Variants in COL9A2 observed in about 807,000 individuals in gnomAD.
The protein encoded by COL9A2 is collagen type IX alpha 2 chain.
A neutral mutation model predicts 111.6 loss-of-function variants in COL9A2; 66 were observed. The ratio of observed to expected loss-of-function variants is 0.59; its 90% CI spans 0.48 to 0.73. The LOEUF (loss-of-function observed/expected upper bound fraction) is 0.73, where lower values mean the gene tolerates loss of function less well. Ranked by LOEUF, COL9A2 falls within the 30% of genes least tolerant of loss-of-function variation. The pLI is 0.00. For synonymous variants in COL9A2, 353 were observed against 364.1 expected (o/e 0.97, Z 0.35); for missense variants, 881 against 954.1 (o/e 0.92, Z 1.01).
rs1297930499 is a variant in COL9A2, at chr1:40,304,379, C to T, written c.1228G>A (p.Glu410Lys). The T allele has an allele frequency of 1.3e-6, 2 of 1,594,558 alleles. No individual in the cohort carries two copies. Among genetic ancestry groups the T allele is most frequent in the Non-Finnish European group, 8.5e-7 (1 of 1,170,068 alleles). The change falls in exon 24 of 32, where the codon GAG (glutamate) becomes AAG (lysine). Residue 410 changes from glutamate to lysine, a missense_variant. Physicochemically the swap from Glu to Lys is moderately conservative, Grantham distance 56. Transcript: ENST00000372748. ...CCTGGAATTCCGGGGGGGCCCTGCT[C>T]CCCCTTAGGGCCCTGAGGAGAAAAG... ...GPQGRQGPKG[E>K]QGPPGIPGPQ...
Position 40,315,595 on chromosome 1 carries a change from T to C in COL9A2, c.145A>G (p.Ile49Val), listed in dbSNP as rs1039768544. Residue 49 changes from isoleucine (I) to valine (V), a missense_variant, in exon 2 of 32, where the codon ATC becomes GTC. Coordinates refer to ENST00000372748, the MANE Select transcript of COL9A2 (RefSeq NM_001852.4). The stretch of plus-strand genomic sequence containing the variant: ...GTCTCAGGTTAGAGACTTACGTCGA[T>C]GCCGTCGGATCCAGGCACTCCCGGC... ...GPPGVPGSDG[I>V]DGDNGPPGKA... The C allele has an allele frequency of 1.9e-6, 3 of 1,552,162 alleles. No individual in the cohort carries two copies. The highest frequency in any genetic ancestry group is 1.4e-5 in the African/African-American group (1 of 73,188).
Position 40,304,059 on chromosome 1 carries a change from C to T in COL9A2, c.1323+5G>A. 6.3e-7 allele frequency: 1 copy of T among 1,580,452 alleles called. No individual in the cohort carries two copies. The highest frequency in any genetic ancestry group is 8.6e-7 in the Non-Finnish European group (1 of 1,164,050). ...GTCGCTGGGAACAGGGGTGCTGGAA[C>T]TCACCACTTTGCCGCGGGGCCCGGT... On this transcript the variant is annotated splice_donor_5th_base_variant and intron_variant, in intron 25 of 31. Transcript: ENST00000372748.
chr1:40,306,147 T>C lies in COL9A2; in HGVS notation c.1049A>G (p.Asp350Gly), dbSNP rs765020486. 41 of 1,613,956 alleles carry C rather than the reference T, an allele frequency of 2.5e-5. No individual in the cohort carries two copies. In the Admixed American group the frequency reaches 6.5e-4, roughly 26 times the overall value. The change falls in exon 20 of 32, where the codon GAC becomes GGC. Residue 350 changes from aspartate to glycine, a missense_variant. Physicochemically the swap from Asp to Gly is moderately conservative, Grantham distance 94. Coordinates refer to ENST00000372748, the MANE Select transcript of COL9A2 (RefSeq NM_001852.4). ...GQPGTKGGPGDQGEPGPQGLP... is the reference protein window; with the variant it reads ...GQPGTKGGPGGQGEPGPQGLP... ...CCCAGCTTGGGATCGCCTCACCTGGTCTCCAGGGCCTCCTTTTGTCCCAGG... is the reference window on the plus strand; with the variant it reads ...CCCAGCTTGGGATCGCCTCACCTGGCCTCCAGGGCCTCCTTTTGTCCCAGG...
At position 40,312,884 on chromosome 1, in the gene COL9A2, C is replaced by A. The variant is rs1056402082; in HGVS notation, c.250-100G>T. On this transcript the variant is annotated intron_variant, in intron 4 of 31. Transcript: ENST00000372748. This position sits in a 1 kb window ranked among gnomAD's most constrained non-coding sequence, Gnocchi z 6.0. ...GGTCCCTCCTGGGTGGGCCGAGGCT[C>A]CTTTTTGCCACACCTCATGAAGGCC... 6 of 1,027,822 alleles carry A rather than the reference C, an allele frequency of 5.8e-6. No individual in the cohort carries two copies. In the African/African-American group the frequency reaches 8.0e-5, roughly 14 times the overall value. 63.7% of individuals were successfully genotyped at this position (1,027,822 alleles called of 1,614,324 possible). A position where few individuals can be genotyped will look rare whatever the true frequency, so the allele number is the denominator to read the frequency against.
Position 40,312,318 on chromosome 1 carries a change from C to G in COL9A2, c.363+138G>C. On this transcript the variant is annotated intron_variant, in intron 7 of 31. Transcript: ENST00000372748. This position sits in a 1 kb window ranked among gnomAD's most constrained non-coding sequence, Gnocchi z 6.0. Reference sequence around the variant, plus strand: ...GGCCCAGAGTGGGCTGGCCCTGGGTCTCTGGCAGGTCCACTTATTCCTGAC... The same window carrying G: ...GGCCCAGAGTGGGCTGGCCCTGGGTGTCTGGCAGGTCCACTTATTCCTGAC... 1.6e-6 allele frequency: 2 copies of G among 1,285,692 alleles called. No individual in the cohort carries two copies. Among genetic ancestry groups the G allele is most frequent in the Non-Finnish European group, 2.2e-6 (2 of 906,816 alleles). 79.6% of individuals were successfully genotyped at this position (1,285,692 alleles called of 1,614,324 possible). A position where few individuals can be genotyped will look rare whatever the true frequency, so the allele number is the denominator to read the frequency against.
rs771038559 is a variant in COL9A2 at position 40,303,506 on chromosome 1, C to G, written c.1548+24G>C. 2 of 1,612,596 alleles carry G rather than the reference C, an allele frequency of 1.2e-6. No individual in the cohort carries two copies. Among genetic ancestry groups the G allele is most frequent in the African/African-American group, 2.7e-5 (2 of 74,894 alleles). Reference sequence around the variant, plus strand: ...GAACAGATCTACCTAGAAGAAGCACCTCCTACCCCGGGGCCCGACTCACCT... The same window carrying G: ...GAACAGATCTACCTAGAAGAAGCACGTCCTACCCCGGGGCCCGACTCACCT... On this transcript the variant is annotated intron_variant, in intron 28 of 31. Coordinates refer to ENST00000372748, the MANE Select transcript of COL9A2 (RefSeq NM_001852.4). The surrounding 1 kb of genome is among the most constrained non-coding windows in gnomAD (Gnocchi z 4.6).
At chr1:40,304,297 T>C in intron 24 of COL9A2, 23 bp downstream of exon 24, 4 of 1,552,212 alleles carry the variant, frequency 2.6e-6, no homozygotes, top group Non-Finnish European at 3.5e-6. Context: ...CTTTCCCAGG[T>C]GTTTCCCAGC....
chr1:40,312,404 C>T lies in COL9A2; in HGVS notation c.363+52G>A. ...CATTCCCTCGAAGCCTTTCTGTTGT[C>T]CCCTCCTTCCCTGGGAGTTCTGGGG... On this transcript the variant is annotated intron_variant, in intron 7 of 31. Transcript: ENST00000372748. This position sits in a 1 kb window ranked among gnomAD's most constrained non-coding sequence, Gnocchi z 6.0. 6.2e-7 allele frequency: 1 copy of T among 1,602,494 alleles called. No homozygotes were observed. The highest frequency in any genetic ancestry group is 2.3e-5 in the East Asian group (1 of 44,358).
At chr1:40,309,515 T>C (rs1195770392) in intron 16 of COL9A2, among the ~76,000 whole-genome samples, 2 of 151,808 alleles carry the variant, frequency 1.3e-5, no homozygotes, top group Non-Finnish European at 2.9e-5. Flanking sequence ...TGGAATCTCA[T>C]TGTCTGGCCC....
At position 40,311,050 on chromosome 1, in the gene COL9A2, C is replaced by G; in HGVS notation, c.630+43G>C. ...AGGGGACAGAGCCCTGTAGGACCAT[C>G]TCCACGTATCCCTGACCCACAGCCC... On this transcript the variant is annotated intron_variant, in intron 12 of 31. Coordinates refer to ENST00000372748, the MANE Select transcript of COL9A2 (RefSeq NM_001852.4). This position sits in a 1 kb window ranked among gnomAD's most constrained non-coding sequence, Gnocchi z 5.1. The G allele has an allele frequency of 1.1e-5, 17 of 1,610,882 alleles. No individual in the cohort carries two copies. Among genetic ancestry groups the G allele is most frequent in the Non-Finnish European group, 1.4e-5 (16 of 1,177,528 alleles).
chr1:40,307,503 G>A lies in COL9A2; in HGVS notation c.955-4C>T. Reference sequence around the variant, plus strand: ...GTCCCGCCTGTCCTGCACTGCCCTGGGATAGACAGATAACCAAAGATACAA... The same window carrying A: ...GTCCCGCCTGTCCTGCACTGCCCTGAGATAGACAGATAACCAAAGATACAA... On this transcript the variant is annotated splice_region_variant and splice_polypyrimidine_tract_variant and intron_variant, in intron 18 of 31. Transcript: ENST00000372748. The surrounding 1 kb of genome is among the most constrained non-coding windows in gnomAD (Gnocchi z 4.8). 1 of 1,614,070 alleles carries A rather than the reference G, an allele frequency of 6.2e-7. No homozygotes were observed. Among genetic ancestry groups the A allele is most frequent in the Non-Finnish European group, 8.5e-7 (1 of 1,179,960 alleles).
rs764157850 is a variant in COL9A2, at chr1:40,311,139, G to T, written c.584C>A (p.Ala195Glu). The T allele has an allele frequency of 3.1e-6, 5 of 1,614,186 alleles. No individual in the cohort carries two copies. The East Asian group carries it at 1.1e-4, about 36-fold the overall frequency. Residue 195 changes from alanine (A) to glutamate (E), a missense_variant, in exon 12 of 32, where the codon GCG (alanine) becomes GAG (glutamate). Transcript: ENST00000372748. This position sits in a 1 kb window ranked among gnomAD's most constrained non-coding sequence, Gnocchi z 5.1. ...PPGLQGVKGH[A>E]GKRGILGDPG... ...ATCACCCAGAATCCCGCGTTTGCCCGCATGCCCCTGAAGGGAAGGAGAGAG... is the reference window on the plus strand; with the variant it reads ...ATCACCCAGAATCCCGCGTTTGCCCTCATGCCCCTGAAGGGAAGGAGAGAG...
rs774470944 is a variant in COL9A2 at position 40,301,823 on chromosome 1, G to A, written c.1859C>T (p.Pro620Leu). 3.0e-5 allele frequency: 48 copies of A among 1,613,870 alleles called. No homozygotes were observed. The highest frequency in any genetic ancestry group is 4.0e-5 in the Non-Finnish European group (47 of 1,179,914). Reference protein sequence around the residue: ...GRGHPGMPGPPGIPGLPGRPG... With the variant: ...GRGHPGMPGPLGIPGLPGRPG... ...GGCCAATGGCTTACCTGGGATCCCT[G>A]GGGGCCCAGGCATCCCGGGGTGCCC... The change falls in exon 31 of 32, where the codon CCA (proline) becomes CTA (leucine). Residue 620 changes from proline (P) to leucine (L), a missense_variant. By Grantham distance (98) the Pro-to-Leu change is moderately conservative. Coordinates refer to ENST00000372748, the MANE Select transcript of COL9A2 (RefSeq NM_001852.4).
chr1:40,304,175 C>T, intron 24 of COL9A2, 76 bp from the exon 25 acceptor site: 3 of 1,516,112 alleles, frequency 2.0e-6, no homozygotes, highest in Non-Finnish European at 2.7e-6. Context: ...TCGGCCACAC[C>T]CCTCTTTCCA....
At chr1:40,305,061 CTTT>C (rs869251364) in intron 21 of COL9A2, 1,917 of 122,608 alleles carry the variant, frequency 0.016, no homozygotes, top group South Asian at 0.036. Flanking sequence ...TTCTTTCTTT[CTTT>C]TTTTTTTTTT....
rs2124049861 is a variant in COL9A2 at position 40,303,954 on chromosome 1, C to T, written c.1342G>A (p.Gly448Ser). The T allele has an allele frequency of 6.4e-7, 1 of 1,561,990 alleles. No individual in the cohort carries two copies. The highest frequency in any genetic ancestry group is 8.7e-7 in the Non-Finnish European group (1 of 1,152,624). The change falls in exon 26 of 32, where the codon GGC (glycine) becomes AGC (serine). Residue 448 changes from glycine to serine, a missense_variant. Coordinates refer to ENST00000372748, the MANE Select transcript of COL9A2 (RefSeq NM_001852.4). The surrounding 1 kb of genome is among the most constrained non-coding windows in gnomAD (Gnocchi z 4.6). Reference sequence around the variant, plus strand: ...TTCTCGCCTTTCTCTCCGGGGAGGCCGGCCACCCCTGGGTCACCCTGCAGA... The same window carrying T: ...TTCTCGCCTTTCTCTCCGGGGAGGCTGGCCACCCCTGGGTCACCCTGCAGA... Reference protein sequence around the residue: ...RGKVGDPGVAGLPGEKGEKGE... With the variant: ...RGKVGDPGVASLPGEKGEKGE...
At chr1:40,305,245 T>G (rs891692288) in intron 21 of COL9A2, among the ~76,000 whole-genome samples, 1 of 151,990 alleles carries the variant, frequency 6.6e-6, no homozygotes, top group African/African-American at 2.4e-5. Context: ...TTTTTTGTAT[T>G]TTTAGTAGAG....
In COL9A2 at chr1:40,303,494, TAGA is replaced by T. The variant is rs1362535701; in HGVS notation, c.1548+33_1548+35del. ...AGCCGCACCCCAGAACAGATCTACC[TAGA>T]AGAAGCACCTCCTACCCCGGGGCCC... On this transcript the variant is annotated intron_variant, in intron 28 of 31. Transcript: ENST00000372748. The surrounding 1 kb of genome is among the most constrained non-coding windows in gnomAD (Gnocchi z 4.6). 4 of 1,612,194 alleles carry T rather than the reference TAGA, an allele frequency of 2.5e-6. No homozygotes were observed. In the East Asian group the frequency reaches 6.7e-5, roughly 27 times the overall value.
Position 40,301,794 on chromosome 1 carries a change from G to A in COL9A2, c.1870+18C>T, listed in dbSNP as rs1643918363. ...AAGCTGAGGAACACACTGCAGCTGG[G>A]CAGGGCCAATGGCTTACCTGGGATC... On this transcript the variant is annotated intron_variant, in intron 31 of 31. Coordinates refer to ENST00000372748, the MANE Select transcript of COL9A2 (RefSeq NM_001852.4). 1 of 1,612,552 alleles carries A rather than the reference G, an allele frequency of 6.2e-7. No homozygotes were observed. Among genetic ancestry groups the A allele is most frequent in the Non-Finnish European group, 8.5e-7 (1 of 1,178,656 alleles).
Sources: gnomAD v4.1 joint callset for allele counts (sites outside exome capture counted in the v4.1 genomes callset) on GRCh38, gnomAD v4.1.1 for gene constraint, Gnocchi (gnomAD v3.1) non-coding constraint, MANE v1.5 for transcripts, NCBI Gene and HGNC (gene_info 2026-07-23, HGNC 2026-07-21) for gene names.